The following NPC1 variants were observed in gnomAD, a reference collection of about 807,000 sequenced individuals.
The protein encoded by NPC1 is Niemann-Pick C1 protein.
A neutral mutation model predicts 140.4 loss-of-function variants in NPC1; 85 were observed. The observed-to-expected ratio is 0.61, with a 90% CI of 0.51 to 0.72. The LOEUF is 0.72. Among genes scored for constraint, NPC1 ranks in the 30% least tolerant of loss-of-function variants. NPC1 has a pLI of 0.00. For synonymous variants in NPC1, 656 were observed against 624.8 expected (o/e 1.05, Z -0.74); for missense variants, 1,504 against 1,623.8 (o/e 0.93, Z 1.27).
At chr18:23,581,317 G>A (rs1441761017) in intron 1 of NPC1, among the ~76,000 whole-genome samples, 1 of 152,196 alleles carries the variant, frequency 6.6e-6, no homozygotes, top group East Asian at 1.9e-4. Context: ...GGCCTTGAAT[G>A]AGACTGCTCT....
At chr18:23,559,067 G>C (rs2145472904) in intron 6 of NPC1, among the ~76,000 whole-genome samples, 1 of 152,230 alleles carries the variant, frequency 6.6e-6, no homozygotes, top group Middle Eastern at 3.4e-3. Flanking sequence ...ATTTTTTATG[G>C]CTGCAGAGTA....
intron 1 of NPC1, among the ~76,000 whole-genome samples, chr18:23,580,087 C>A (rs2059339928): frequency 6.6e-6 from 1 of 152,136 alleles, no homozygotes; most frequent in South Asian, 2.1e-4. Context: ...GTTCTCGAGG[C>A]ATGGCAGTAA....
intron 3 of NPC1, among the ~76,000 whole-genome samples, chr18:23,570,513 C>T (rs894776006): frequency 6.6e-6 from 1 of 152,232 alleles, no homozygotes; most frequent in Non-Finnish European, 1.5e-5. Flanking sequence ...GGTGGTTTTC[C>T]ATTCTCTATT....
chr18:23,565,799 T>TAA (rs1360248179), intron 4 of NPC1, among the ~76,000 whole-genome samples: 4 of 152,386 alleles, frequency 2.6e-5, no homozygotes, highest in Non-Finnish European at 5.9e-5. Context: ...GAATTTTCTC[T>TAA]AAGTTCTCAG....
Position 23,556,135 on chromosome 18 carries a change from AT to A in NPC1, c.1326+107del, listed in dbSNP as rs1461410968. ...CATTATACGCTAAGATTTTCAAGATATACCATGACATTCAGCCCCAAATCCC... is the reference window on the plus strand; with the variant it reads ...CATTATACGCTAAGATTTTCAAGATAACCATGACATTCAGCCCCAAATCCC... On this transcript the variant is annotated intron_variant, in intron 8 of 24. Transcript: ENST00000269228. 1.9e-5 allele frequency: 19 copies of A among 986,260 alleles called. No individual in the cohort carries two copies. In the Admixed American group the frequency reaches 3.3e-4, roughly 17 times the overall value. 61.1% of individuals were successfully genotyped at this position (986,260 alleles called of 1,614,324 possible).
At chr18:23,514,335 C>T (rs1481511500) in intron 3 of NPC1, among the ~76,000 whole-genome samples, 4 of 152,084 alleles carry the variant, frequency 2.6e-5, no homozygotes, top group South Asian at 4.1e-4. Context: ...GCCGCCATGG[C>T]GAAACCCCGT....
rs985002744 is a variant in NPC1 at position 23,561,675 on chromosome 18, G to C, written c.464-148C>G. On this transcript the variant is annotated intron_variant, in intron 4 of 24. Coordinates refer to ENST00000269228, the MANE Select transcript of NPC1 (RefSeq NM_000271.5). ...GACAGCAAACACTAACTAAGGGCAC[G>C]AACAGAGATTCCCTTTAAATTGGCT... The C allele has an allele frequency of 1.6e-5, 12 of 755,610 alleles. No individual in the cohort carries two copies. The Admixed American group carries it at 2.1e-4, about 13-fold the overall frequency. 46.8% of individuals were successfully genotyped at this position (755,610 alleles called of 1,614,324 possible).
At chr18:23,514,510 T>C (rs1873397726) in intron 3 of NPC1, among the ~76,000 whole-genome samples, 2 of 152,016 alleles carry the variant, frequency 1.3e-5, no homozygotes, top group African/African-American at 4.8e-5. Context: ...TGAGCCGAGA[T>C]TGTGCCACTG....
At chr18:23,516,183 C>T in intron 3 of NPC1, 10 of 1,303,150 alleles carry the variant, frequency 7.7e-6, no homozygotes, top group Non-Finnish European at 9.8e-6. Context: ...GGCAGACAGG[C>T]TGTGAGAGGA....
chr18:23,524,044 A>G (rs1186645947), intron 1 of NPC1: 8 of 1,373,234 alleles, frequency 5.8e-6, no homozygotes, highest in Non-Finnish European at 7.3e-6. Flanking sequence ...AATGACATTA[A>G]AAAGTATTGA....
At chr18:23,572,905 T>C (rs1035259607) in intron 2 of NPC1, among the ~76,000 whole-genome samples, 1 of 152,238 alleles carries the variant, frequency 6.6e-6, no homozygotes, top group African/African-American at 2.4e-5. Flanking sequence ...GACTTGACTT[T>C]TGATTACTTT....
rs1598933419 is a variant in NPC1 at position 23,533,835 on chromosome 18, C to CA, written c.3592-319dup. 3 of 393,034 alleles carry CA rather than the reference C, an allele frequency of 7.6e-6. No homozygotes were observed. In the East Asian group the frequency reaches 1.8e-4, roughly 23 times the overall value. 24.3% of individuals were successfully genotyped at this position (393,034 alleles called of 1,614,324 possible). On this transcript the variant is annotated intron_variant, in intron 23 of 24. Coordinates refer to ENST00000269228, the MANE Select transcript of NPC1 (RefSeq NM_000271.5). The stretch of plus-strand genomic sequence containing the variant: ...TGGGGATTTCTTAATATTCAAGGTT[C>CA]AAAGCAATGGGAACTGAACCCAGGT...
intron 1 of NPC1, among the ~76,000 whole-genome samples, chr18:23,577,291 G>A (rs1239200626): frequency 4.8e-5 from 7 of 147,254 alleles, no homozygotes; most frequent in African/African-American, 1.8e-4. Context: ...TAGACATAAA[G>A]GTTCTCCACG....
In NPC1 at chr18:23,551,655, G is replaced by A. The variant is rs2145433201; in HGVS notation, c.1626C>T (p.Phe542=). 2 of 1,613,998 alleles carry A rather than the reference G, an allele frequency of 1.2e-6. No individual in the cohort carries two copies. Among genetic ancestry groups the A allele is most frequent in the Non-Finnish European group, 1.7e-6 (2 of 1,179,884 alleles). Reference sequence around the variant, plus strand: ...CATAGCCTCCCAACACAAGCCACGGGAACACTGGTCCACCAAACGTACCCA... The same window carrying A: ...CATAGCCTCCCAACACAAGCCACGGAAACACTGGTCCACCAAACGTACCCA... ...PCLGTFGGPV[F]PWLVLGGYDD... The change falls in exon 10 of 25, where the codon TTC becomes TTT. Residue 542 remains phenylalanine (F), a synonymous_variant. Coordinates refer to ENST00000269228, the MANE Select transcript of NPC1 (RefSeq NM_000271.5).
chr18:23,544,943 AC>A lies in NPC1; in HGVS notation c.1947+16del, dbSNP rs3837910. On this transcript the variant is annotated intron_variant, in intron 12 of 24. Transcript: ENST00000269228. ...GCTGTTAACCTCTAGAACATACACC[AC>A]CCCCCCCCGGCTTACCAGAAGCCTG... 0.011 allele frequency: 10,439 copies of A among 980,062 alleles called. 1 individual carries two copies. The highest frequency in any genetic ancestry group is 0.014 in the Middle Eastern group (58 of 4,198). 60.7% of individuals were successfully genotyped at this position (980,062 alleles called of 1,614,324 possible).
chr18:23,543,577 A>G lies in NPC1; in HGVS notation c.2131-8T>C. On this transcript the variant is annotated splice_region_variant and splice_polypyrimidine_tract_variant and intron_variant, in intron 13 of 24. Transcript: ENST00000269228. ...TTGAAGACGTTCATCTCTCTTAAAA[A>G]AAAAAAAAAAAAATTATGCGACATT... 6.7e-7 allele frequency: 1 copy of G among 1,493,404 alleles called. No homozygotes were observed. Among genetic ancestry groups the G allele is most frequent in the Non-Finnish European group, 9.3e-7 (1 of 1,078,622 alleles). The allele number at this position is 1,493,404 out of a possible 1,614,324, so 92.5% of individuals were successfully genotyped here. A position where few individuals can be genotyped will look rare whatever the true frequency, so the allele number is the denominator to read the frequency against.
chr18:23,521,056 T>C (rs930320572), downstream of NPC1, among the ~76,000 whole-genome samples: 2 of 152,144 alleles, frequency 1.3e-5, no homozygotes, highest in East Asian at 3.9e-4. Flanking sequence ...GGTTTCACCA[T>C]GTTGGCCAGA....
chr18:23,572,083 A>C lies in NPC1; in HGVS notation c.278T>G (p.Phe93Cys). 1 of 1,613,128 alleles carries C rather than the reference A, an allele frequency of 6.2e-7. No homozygotes were observed. Among genetic ancestry groups the C allele is most frequent in the Non-Finnish European group, 8.5e-7 (1 of 1,179,136 alleles). ...LKDNLQLPLQ[F>C]LSRCPSCFYN... ...CCCCAGCAGAACCTACCTGGACAGA[A>C]ACTGTAGAGGCAGCTGCAGGTTGTC... The change falls in exon 3 of 25, where the codon TTT (phenylalanine) becomes TGT (cysteine). Residue 93 changes from phenylalanine (F) to cysteine (C), a missense_variant. Physicochemically the swap from Phe to Cys is radical, Grantham distance 205. Transcript: ENST00000269228.
intron 1 of NPC1, among the ~76,000 whole-genome samples, chr18:23,581,093 T>C (rs974269806): frequency 6.6e-6 from 1 of 152,368 alleles, no homozygotes; most frequent in East Asian, 1.9e-4. Context: ...TTTATGTGAC[T>C]CACCCAAGGT....
Sources: allele counts gnomAD v4.1 joint callset (sites outside exome capture counted in the v4.1 genomes callset), GRCh38; gene constraint gnomAD v4.1.1; transcripts MANE v1.5; gene names NCBI Gene and HGNC (gene_info 2026-07-23, HGNC 2026-07-21).